LEMD1: variants seen among roughly 807,000 people sequenced by gnomAD.
LEMD1 encodes LEM domain-containing protein 1.
A neutral mutation model predicts 17.4 loss-of-function variants in LEMD1; 18 were observed. The observed-to-expected ratio is 1.04, with a 90% CI of 0.72 to 1.54. The LOEUF (loss-of-function observed/expected upper bound fraction) is 1.54. Ranked by LOEUF, LEMD1 falls within the 40% of genes most tolerant of loss-of-function variation. The pLI is 0.00. For synonymous variants in LEMD1, 88 were observed against 77.8 expected, an observed-to-expected ratio of 1.13 and a Z score of -0.69; for missense variants, 195 against 210.4, an observed-to-expected ratio of 0.93 and a Z score of 0.45.
chr1:205,443,784 C>T (rs945928059), intron 1 of LEMD1, among the ~76,000 whole-genome samples: 1 of 152,198 alleles, frequency 6.6e-6, no homozygotes, highest in African/African-American at 2.4e-5. Flanking sequence ...GATTGCCGGG[C>T]CAGCCCCTGA....
At chr1:205,421,013 G>T (rs1381348442) in intron 1 of LEMD1, among the ~76,000 whole-genome samples, 1 of 151,348 alleles carries the variant, frequency 6.6e-6, no homozygotes, top group African/African-American at 2.4e-5. Flanking sequence ...TTTGATGACA[G>T]GACAGAGAGT....
At position 205,438,224 on chromosome 1, in the gene LEMD1, G is replaced by A. The variant is rs77672065; in HGVS notation, c.-39+11644C>T. ...GGAAAACTGGCCCCCTCACCCATCT[G>A]CAAGGAGGAATCAGTGCCACGCAGC... On this transcript the variant is annotated intron_variant, in intron 1 of 3. Transcript: ENST00000367154. 8.4e-3 allele frequency among the ~76,000 whole-genome samples: 1,277 copies of A among 152,332 alleles called. 9 individuals carry two copies. The highest frequency in any genetic ancestry group is 0.014 in the Non-Finnish European group (965 of 68,032).
chr1:205,416,361 C>T lies in LEMD1; in HGVS notation c.206-65G>A, dbSNP rs954103023. On this transcript the variant is annotated intron_variant, in intron 3 of 5. Coordinates refer to ENST00000367153, the MANE Select transcript of LEMD1 (RefSeq NM_001199050.2). ...CATTTGAGCTAGCAAAGGGAATAAACATCAATCACCAGGGTGAATTCTCTC... is the reference window on the plus strand; with the variant it reads ...CATTTGAGCTAGCAAAGGGAATAAATATCAATCACCAGGGTGAATTCTCTC... 2.6e-6 allele frequency: 3 copies of T among 1,144,756 alleles called. No homozygotes were observed. In the South Asian group the frequency reaches 4.2e-5, roughly 16 times the overall value. 70.9% of individuals were successfully genotyped at this position (1,144,756 alleles called of 1,614,324 possible).
intron 4 of LEMD1, among the ~76,000 whole-genome samples, chr1:205,396,914 C>A (rs761512136): frequency 1.3e-5 from 2 of 152,306 alleles, no homozygotes; most frequent in South Asian, 4.1e-4. Context: ...CTTCTCATTA[C>A]GTAATTCTTT....
At chr1:205,400,917 A>C (rs568054643) in intron 4 of LEMD1, among the ~76,000 whole-genome samples, 2 of 136,932 alleles carry the variant, frequency 1.5e-5, no homozygotes, top group Admixed American at 8.5e-5. Context: ...TCATTGTTCA[A>C]TTCCCATCTA....
chr1:205,446,291 A>AGCCCCAGCAAAGCGAG (rs1666386992), intron 1 of LEMD1, among the ~76,000 whole-genome samples: 1 of 152,254 alleles, frequency 6.6e-6, no homozygotes, highest in Non-Finnish European at 1.5e-5. Flanking sequence ...ATCCAGGCCC[A>AGCCCCAGCAAAGCGAG]GCCCCAGCAA....
At chr1:205,398,141 C>T (rs1268388692) in intron 4 of LEMD1, among the ~76,000 whole-genome samples, 1 of 152,156 alleles carries the variant, frequency 6.6e-6, no homozygotes, top group East Asian at 1.9e-4. Flanking sequence ...GCTCCCTTAG[C>T]ACACGTCAAA....
At chr1:205,437,374 G>C (rs1366379933) in intron 1 of LEMD1, 1 of 152,448 alleles carries the variant, frequency 6.6e-6, no homozygotes, top group East Asian at 1.9e-4. Flanking sequence ...GTACATAAGA[G>C]TGGCGCCTGT....
chr1:205,389,052 TTTTTTTTTTTTTTTG>T (rs1664198105), intron 4 of LEMD1, among the ~76,000 whole-genome samples: 1 of 137,316 alleles, frequency 7.3e-6, no homozygotes, highest in Admixed American at 7.9e-5. Flanking sequence ...TTTTTTTTTT[TTTTTTTTTTTTTTTG>T]AGATAGAGTC....
intron 4 of LEMD1, among the ~76,000 whole-genome samples, chr1:205,388,112 G>A (rs1664127927): frequency 6.6e-6 from 1 of 152,146 alleles, no homozygotes; most frequent in Admixed American, 6.5e-5. Flanking sequence ...TGGTACTGCA[G>A]CATGATAGTG....
At chr1:205,391,584 A>T (rs748008598) in intron 4 of LEMD1, among the ~76,000 whole-genome samples, 1 of 152,070 alleles carries the variant, frequency 6.6e-6, no homozygotes, top group Non-Finnish European at 1.5e-5. Flanking sequence ...CTGGACTTTC[A>T]CCTCCATGTG....
chr1:205,409,307 A>G (rs971935983), intron 4 of LEMD1, among the ~76,000 whole-genome samples: 6 of 152,174 alleles, frequency 3.9e-5, no homozygotes, highest in African/African-American at 1.4e-4. Flanking sequence ...TTCATTTTCC[A>G]TTATGTTATT....
At chr1:205,411,534 C>T (rs1167432346) in intron 4 of LEMD1, among the ~76,000 whole-genome samples, 2 of 135,296 alleles carry the variant, frequency 1.5e-5, no homozygotes, top group East Asian at 2.3e-4. Context: ...CCAGCCTAGG[C>T]CACAGAGTGA....
chr1:205,418,758 C>T (rs777209656), intron 3 of LEMD1, among the ~76,000 whole-genome samples: 32 of 152,278 alleles, frequency 2.1e-4, no homozygotes, highest in Middle Eastern at 6.8e-3. Context: ...TCAGGTGCTC[C>T]GCCTGCCTCG....
chr1:205,423,420 T>C (rs1666012513), upstream of LEMD1, among the ~76,000 whole-genome samples: 1 of 152,200 alleles, frequency 6.6e-6, no homozygotes, highest in Non-Finnish European at 1.5e-5. Context: ...AGAATTGCTT[T>C]CAACAAAAAA....
At chr1:205,424,423 A>T (rs1666029930), upstream of LEMD1, among the ~76,000 whole-genome samples, 1 of 152,234 alleles carries the variant, frequency 6.6e-6, no homozygotes, top group Non-Finnish European at 1.5e-5. Flanking sequence ...ATTTCTTTCA[A>T]AAATTATTTG....
intron 1 of LEMD1, among the ~76,000 whole-genome samples, chr1:205,446,447 C>T (rs928883666): frequency 2.0e-5 from 3 of 152,340 alleles, no homozygotes; most frequent in South Asian, 4.1e-4. Context: ...CCTACAAAGT[C>T]CCTTGCCTTG....
intron 5 of LEMD1, 115 bp from the exon 6 acceptor site, chr1:205,381,971 G>C (rs959051546): frequency 5.1e-5 from 47 of 926,704 alleles, no homozygotes; most frequent in Admixed American, 1.6e-4. Flanking sequence ...GGCTTTAGAG[G>C]TAGCCTCTCC....
At chr1:205,415,805 T>C (rs1480556011) in intron 4 of LEMD1, among the ~76,000 whole-genome samples, 1 of 152,116 alleles carries the variant, frequency 6.6e-6, no homozygotes, top group African/African-American at 2.4e-5. Context: ...CCCTCACACA[T>C]TTGGCCGTGT....
Sources: gnomAD v4.1 joint callset for allele counts (sites outside exome capture counted in the v4.1 genomes callset) on GRCh38, gnomAD v4.1.1 for gene constraint, MANE v1.5 for transcripts, NCBI Gene and HGNC (gene_info 2026-07-23, HGNC 2026-07-21) for gene names.